The following CSMD1 variants were observed in gnomAD, a reference collection of about 807,000 sequenced individuals.
The protein encoded by CSMD1 is CUB and Sushi multiple domains 1, also known as CUB and sushi domain-containing protein 1.
Under a neutral mutation model 417.5 loss-of-function variants are expected in CSMD1, and 213 were observed. The observed-to-expected ratio is 0.51, with a 90% CI of 0.46 to 0.57. The LOEUF (loss-of-function observed/expected upper bound fraction) is 0.57, where lower values mean the gene tolerates loss of function less well. Ranked by LOEUF, CSMD1 falls within the 20% of genes least tolerant of loss-of-function variation. The probability of loss-of-function intolerance (pLI) is 0.00; values close to 1 mark genes in which losing one functional copy is unlikely to be tolerated. For synonymous variants in CSMD1, 2,862 were observed against 1,736.8 expected, an observed-to-expected ratio of 1.65 and a Z score of -16.11; for missense variants, 6,923 against 4,529.7, an observed-to-expected ratio of 1.53 and a Z score of -15.17.
intron 3 of CSMD1, among the ~76,000 whole-genome samples, chr8:4,121,191 A>G (rs188883092): frequency 6.6e-6 from 1 of 151,944 alleles, no homozygotes; most frequent in Non-Finnish European, 1.5e-5. Flanking sequence ...CTTAGCTCAC[A>G]GCAACCTCTG....
intron 8 of CSMD1, among the ~76,000 whole-genome samples, chr8:3,599,151 C>CTG (rs1554483034): frequency 4.8e-4 from 57 of 119,956 alleles, no homozygotes; most frequent in African/African-American, 1.9e-3. Context: ...GTGTGTGTGT[C>CTG]TGTGTGTGTG....
At chr8:3,522,471 A>G (rs1358370180) in intron 10 of CSMD1, among the ~76,000 whole-genome samples, 1 of 152,190 alleles carries the variant, frequency 6.6e-6, no homozygotes, top group Non-Finnish European at 1.5e-5. Flanking sequence ...ATTTACTTTT[A>G]GATGGCATAA....
At chr8:4,677,916 A>T (rs1263722817) in intron 1 of CSMD1, among the ~76,000 whole-genome samples, 1 of 152,208 alleles carries the variant, frequency 6.6e-6, no homozygotes, top group African/African-American at 2.4e-5. Flanking sequence ...AATGAACTAT[A>T]TATTGATTCC....
chr8:3,875,144 T>C (rs1183039337), intron 5 of CSMD1, among the ~76,000 whole-genome samples: 1 of 151,996 alleles, frequency 6.6e-6, no homozygotes, highest in Non-Finnish European at 1.5e-5. Context: ...AATTACTCGA[T>C]GTAAAATGCG....
chr8:4,603,065 G>A (rs546187392), intron 2 of CSMD1, among the ~76,000 whole-genome samples: 14 of 151,822 alleles, frequency 9.2e-5, no homozygotes, highest in Admixed American at 1.3e-4. Context: ...AGTATAATTT[G>A]AATTCTAAAT....
chr8:4,363,384 C>T (rs754262942), intron 3 of CSMD1, among the ~76,000 whole-genome samples: 9 of 152,106 alleles, frequency 5.9e-5, no homozygotes, highest in Non-Finnish European at 7.4e-5. Context: ...ATGCTTTATA[C>T]GTAAGAGGGA....
At chr8:3,576,410 CCT>C (rs1800154028) in intron 9 of CSMD1, among the ~76,000 whole-genome samples, 1 of 152,100 alleles carries the variant, frequency 6.6e-6, no homozygotes, top group Admixed American at 6.6e-5. Context: ...TAGGAACTGT[CCT>C]CTTTCTGCAT....
chr8:4,116,883 A>C (rs928881870), intron 3 of CSMD1, among the ~76,000 whole-genome samples: 4 of 152,136 alleles, frequency 2.6e-5, no homozygotes, highest in African/African-American at 9.6e-5. Flanking sequence ...GAAAAAGAAT[A>C]AGCTTTCTGA....
At chr8:4,385,010 T>G (rs1246852888) in intron 3 of CSMD1, among the ~76,000 whole-genome samples, 1 of 152,122 alleles carries the variant, frequency 6.6e-6, no homozygotes, top group Non-Finnish European at 1.5e-5. Flanking sequence ...CAATGCAACC[T>G]CCGTCCCCCT....
intron 10 of CSMD1, among the ~76,000 whole-genome samples, chr8:3,527,418 G>C (rs1218781144): frequency 6.6e-6 from 1 of 152,128 alleles, no homozygotes; most frequent in Non-Finnish European, 1.5e-5. Context: ...ATAGGGATGG[G>C]AACTAGATTA....
intron 4 of CSMD1, among the ~76,000 whole-genome samples, chr8:3,999,093 AATAAC>A (rs1177762240): frequency 6.6e-6 from 1 of 151,236 alleles, no homozygotes; most frequent in Non-Finnish European, 1.5e-5. Flanking sequence ...AGTATTTTAA[AATAAC>A]ATGTTTTAAA....
chr8:4,600,707 C>G (rs1362047963), intron 2 of CSMD1, among the ~76,000 whole-genome samples: 3 of 152,248 alleles, frequency 2.0e-5, no homozygotes, highest in African/African-American at 4.8e-5. Context: ...GCATTCTTTT[C>G]TACTCACAGA....
chr8:3,960,476 G>A (rs1285286214), intron 5 of CSMD1, among the ~76,000 whole-genome samples: 1 of 152,116 alleles, frequency 6.6e-6, no homozygotes, highest in Non-Finnish European at 1.5e-5. Flanking sequence ...TATTATTTAT[G>A]CCTTTAAAGA....
chr8:4,414,477 A>T (rs1796818263), intron 3 of CSMD1, among the ~76,000 whole-genome samples: 1 of 152,174 alleles, frequency 6.6e-6, no homozygotes, highest in African/African-American at 2.4e-5. Context: ...TGAGGATTAA[A>T]TTTCATATCC....
At chr8:4,132,165 T>A (rs1472266568) in intron 3 of CSMD1, among the ~76,000 whole-genome samples, 2 of 151,654 alleles carry the variant, frequency 1.3e-5, no homozygotes, top group African/African-American at 2.4e-5. Context: ...GTTGCCTGTT[T>A]GTTTATGCGG....
chr8:4,843,771 G>C (rs1006281796), intron 1 of CSMD1, among the ~76,000 whole-genome samples: 4 of 152,180 alleles, frequency 2.6e-5, no homozygotes, highest in Non-Finnish European at 4.4e-5. Context: ...GAGGTCTCTG[G>C]AACGTATCCG....
At chr8:4,283,440 C>G (rs1218220101) in intron 3 of CSMD1, among the ~76,000 whole-genome samples, 1 of 152,128 alleles carries the variant, frequency 6.6e-6, no homozygotes, top group African/African-American at 2.4e-5. Flanking sequence ...ACAGGATTTC[C>G]AAATGCAAAT....
intron 1 of CSMD1, among the ~76,000 whole-genome samples, chr8:4,814,972 A>C (rs1026444474): frequency 6.6e-6 from 1 of 152,144 alleles, no homozygotes; most frequent in Admixed American, 6.5e-5. Flanking sequence ...ATGGATCCTC[A>C]TATTTCATAA....
intron 11 of CSMD1, among the ~76,000 whole-genome samples, chr8:3,478,233 T>G (rs1817538768): frequency 6.6e-6 from 1 of 152,206 alleles, no homozygotes; most frequent in Admixed American, 6.5e-5. Flanking sequence ...CACTAAACAT[T>G]ATCTGAATTA....
Sources: gnomAD v4.1 joint callset for allele counts (sites outside exome capture counted in the v4.1 genomes callset) on GRCh38, gnomAD v4.1.1 for gene constraint, MANE v1.5 for transcripts, NCBI Gene and HGNC (gene_info 2026-07-23, HGNC 2026-07-21) for gene names.